The following WDR1 variants were observed in gnomAD, a reference collection of about 807,000 sequenced individuals.
The protein encoded by WDR1 is WD repeat-containing protein 1.
Under a neutral mutation model 71.9 loss-of-function variants are expected in WDR1, and 21 were observed. That is an observed-to-expected ratio of 0.29 (90% confidence interval 0.21 to 0.42). The LOEUF (loss-of-function observed/expected upper bound fraction) is 0.42. WDR1 is among the 10% of genes least tolerant of loss of function. WDR1 has a pLI of 1.00. For synonymous variants in WDR1, 424 were observed against 347.4 expected, an observed-to-expected ratio of 1.22 and a Z score of -2.45; for missense variants, 696 against 824.5, an observed-to-expected ratio of 0.84 and a Z score of 1.91.
intron 5 of WDR1, 25 bp from the exon 6 acceptor site, chr4:10,088,766 G>C (rs374442952): frequency 2.6e-6 from 4 of 1,558,358 alleles, no homozygotes; most frequent in East Asian, 2.3e-5. Flanking sequence ...TTACCTGCCT[G>C]ATGAGGGGCC....
At chr4:10,094,367 A>G (rs1160708081) in intron 5 of WDR1, among the ~76,000 whole-genome samples, 2 of 152,218 alleles carry the variant, frequency 1.3e-5, no homozygotes, top group African/African-American at 2.4e-5. Flanking sequence ...CCAGAGAGGC[A>G]AAGAACCTGG....
Position 10,077,276 on chromosome 4 carries a change from C to A in WDR1, c.1714+28G>T, listed in dbSNP as rs753919743. On this transcript the variant is annotated intron_variant, in intron 14 of 14. Transcript: ENST00000499869. ...ATGGAGCCCCGAACCATGGGTGGTC[C>A]CTGCCAAGGCCTGGGGGCGGAAGTC... 23 of 1,612,966 alleles carry A rather than the reference C, an allele frequency of 1.4e-5. No individual in the cohort carries two copies. In the East Asian group the frequency reaches 5.1e-4, roughly 36 times the overall value.
chr4:10,102,970 C>A lies in WDR1; in HGVS notation c.229+926G>T, dbSNP rs138681352. Reference sequence around the variant, plus strand: ...ATGAGTGAGTGAATGAATGAGTGGGCCACCATTCTAGAAGGGGTACCACTC... The same window carrying A: ...ATGAGTGAGTGAATGAATGAGTGGGACACCATTCTAGAAGGGGTACCACTC... On this transcript the variant is annotated intron_variant, in intron 3 of 14. Coordinates refer to ENST00000499869, the MANE Select transcript of WDR1 (RefSeq NM_017491.5). Among the ~76,000 whole-genome samples, 557 of 152,262 alleles carry A rather than the reference C, an allele frequency of 3.7e-3. 3 individuals carry two copies. The highest frequency in any genetic ancestry group is 0.013 in the African/African-American group (528 of 41,534).
rs545589611 is a variant in WDR1, at chr4:10,074,762, G to C, written c.*616C>G. 6.6e-6 allele frequency: 1 copy of C among 152,370 alleles called. No individual in the cohort carries two copies. The highest frequency in any genetic ancestry group is 1.9e-4 in the East Asian group (1 of 5,170). The allele number at this position is 152,370 out of a possible 1,614,324, so 9.4% of individuals were successfully genotyped here. A position where few individuals can be genotyped will look rare whatever the true frequency, so the allele number is the denominator to read the frequency against. On this transcript the variant is annotated 3_prime_UTR_variant, in exon 15 of 15. Coordinates refer to ENST00000499869, the MANE Select transcript of WDR1 (RefSeq NM_017491.5). ...TAAGATACATTAAAAAAAAAGGAAA[G>C]ATACCCACAATTCCATTCTTAAAAT... is the stretch of plus-strand genomic sequence containing the variant.
intron 2 of WDR1, chr4:10,108,379 T>C (rs1713148306): frequency 6.6e-6 from 1 of 152,208 alleles, no homozygotes; most frequent in Non-Finnish European, 1.5e-5. Flanking sequence ...TGGAACATGC[T>C]AGAAGGTTGG....
chr4:10,115,209 C>T (rs1713636144), intron 2 of WDR1, among the ~76,000 whole-genome samples: 1 of 152,238 alleles, frequency 6.6e-6, no homozygotes, highest in Non-Finnish European at 1.5e-5. Flanking sequence ...TCCCACCCCA[C>T]CAATTCCATC....
At chr4:10,102,995 C>G (rs1431954587) in intron 3 of WDR1, among the ~76,000 whole-genome samples, 2 of 152,146 alleles carry the variant, frequency 1.3e-5, no homozygotes, top group African/African-American at 4.8e-5. Context: ...GGGTACCACT[C>G]TCACTCCTGT....
Position 10,075,472 on chromosome 4 carries a change from A to G in WDR1, c.1727T>C (p.Leu576Pro). ...CCAGGCCAGGCTGCTGACATGGTGC[A>G]GCCGGTGTGCATCTGGGAAGAAAGG... ...TRVKIQDAHRLHHVSSLAWLD... is the reference protein window; with the variant it reads ...TRVKIQDAHRPHHVSSLAWLD... Residue 576 changes from leucine to proline, a missense_variant, in exon 15 of 15, where the codon CTG becomes CCG. Coordinates refer to ENST00000499869, the MANE Select transcript of WDR1 (RefSeq NM_017491.5). 6.2e-7 allele frequency: 1 copy of G among 1,613,992 alleles called. No homozygotes were observed. Among genetic ancestry groups the G allele is most frequent in the South Asian group, 1.1e-5 (1 of 91,078 alleles).
At chr4:10,099,165 G>C (rs762719426) in intron 3 of WDR1, 26 bp from the exon 4 acceptor site, 6 of 1,309,110 alleles carry the variant, frequency 4.6e-6, no homozygotes, top group South Asian at 2.5e-5. Context: ...GGCGGGGGAG[G>C]GGGGGAGGCG....
chr4:10,083,178 T>C lies in WDR1; in HGVS notation c.1040A>G (p.Asn347Ser). The C allele has an allele frequency of 6.2e-7, 1 of 1,613,156 alleles. No homozygotes were observed. The highest frequency in any genetic ancestry group is 8.5e-7 in the Non-Finnish European group (1 of 1,179,550). Residue 347 changes from asparagine to serine, a missense_variant and splice_region_variant, in exon 10 of 15, where the codon AAT (asparagine) becomes AGT (serine). Coordinates refer to ENST00000499869, the MANE Select transcript of WDR1 (RefSeq NM_017491.5). ...IYSGSHDGHI[N>S]YWDSETGEND... ...CTCCCCCGTCTCTGAATCCCAGTAA[T>C]GTAGGGTGGGGTTAAGGAAAAGCCC...
chr4:10,084,339 G>C, intron 9 of WDR1, 104 bp downstream of exon 9: 1 of 1,026,408 alleles, frequency 9.7e-7, no homozygotes, highest in Non-Finnish European at 1.5e-6. Flanking sequence ...GGCTGTGGCT[G>C]CAGCTGGAGC....
At chr4:10,084,173 G>T (rs1765120357) in intron 9 of WDR1, among the ~76,000 whole-genome samples, 3 of 152,228 alleles carry the variant, frequency 2.0e-5, no homozygotes. Flanking sequence ...CACTCTCAGG[G>T]TTGCACGACA....
chr4:10,111,816 G>C (rs1242678841), intron 2 of WDR1, among the ~76,000 whole-genome samples: 6 of 144,358 alleles, frequency 4.2e-5, no homozygotes, highest in African/African-American at 1.6e-4. Context: ...CACTTGGTCT[G>C]CCCCCTGTTC....
Position 10,081,384 on chromosome 4 carries a change from T to C in WDR1, c.1257A>G (p.Gly419=), listed in dbSNP as rs755469534. Residue 419 remains glycine, a synonymous_variant, in exon 11 of 15, where the codon GGA becomes GGG. Transcript: ENST00000499869. ...GTCCAATGCACACGACCACGGCGTA[T>C]CCCCCGGGGCCGACGGCTACGCACT... is the stretch of plus-strand genomic sequence containing the variant. ...QPKCVAVGPG[G]YAVVVCIGQI... is the part of the protein sequence containing the mutation. 18 of 1,613,572 alleles carry C rather than the reference T, an allele frequency of 1.1e-5. No individual in the cohort carries two copies. Among genetic ancestry groups the C allele is most frequent in the Non-Finnish European group, 1.4e-5 (17 of 1,179,834 alleles).
chr4:10,078,646 G>C (rs1282587076), intron 12 of WDR1: 20 of 458,250 alleles, frequency 4.4e-5, no homozygotes, highest in Non-Finnish European at 7.8e-5. Flanking sequence ...ACTGTCCACA[G>C]TCTTGTGGGC....
Position 10,078,992 on chromosome 4 carries a change from G to A in WDR1, c.1294C>T (p.Leu432=). The change falls in exon 12 of 15, where the codon CTG becomes TTG. Residue 432 remains leucine, a synonymous_variant. Transcript: ENST00000499869. ...CTGAAGCACTTCCTCTGATCCTTCA[G>A]CAGGACAATCTGTGGCACACACAGG... ...VVVCIGQIVL[L]KDQRKCFSID... is the part of the protein sequence containing the mutation. The A allele has an allele frequency of 6.2e-7, 1 of 1,605,882 alleles. No individual in the cohort carries two copies. The highest frequency in any genetic ancestry group is 8.5e-7 in the Non-Finnish European group (1 of 1,175,284).
rs1440189341 is a variant in WDR1 at position 10,116,697 on chromosome 4, C to T, written c.-31G>A. On this transcript the variant is annotated 5_prime_UTR_variant, in exon 1 of 15. Coordinates refer to ENST00000499869, the MANE Select transcript of WDR1 (RefSeq NM_017491.5). ...CCCACTTGTTACCGCGCCGCGCTCGCCGAGAGCCTCCGGGGCCGGCCCGCG... is the reference window on the plus strand; with the variant it reads ...CCCACTTGTTACCGCGCCGCGCTCGTCGAGAGCCTCCGGGGCCGGCCCGCG... The T allele has an allele frequency of 5.9e-6, 8 of 1,349,808 alleles. No homozygotes were observed. The Admixed American group carries it at 1.1e-4, about 19-fold the overall frequency. 83.6% of individuals were successfully genotyped at this position (1,349,808 alleles called of 1,614,324 possible).
chr4:10,090,250 T>C (rs1394617587), intron 5 of WDR1, among the ~76,000 whole-genome samples: 7 of 152,284 alleles, frequency 4.6e-5, no homozygotes, highest in South Asian at 4.1e-4. Flanking sequence ...CTAACACATG[T>C]CATCAATGCT....
Position 10,082,649 on chromosome 4 carries a change from G to A in WDR1, c.1196+373C>T, listed in dbSNP as rs943373664. On this transcript the variant is annotated intron_variant, in intron 10 of 14. Transcript: ENST00000499869. ...CTGTCTTGTACTCAGCACCTGCCCT[G>A]TGCCAGGCTCACCTAATCCACAACA... Among the ~76,000 whole-genome samples, 5 of 152,216 alleles carry A rather than the reference G, an allele frequency of 3.3e-5. No individual in the cohort carries two copies. The East Asian group carries it at 5.8e-4, about 18-fold the overall frequency.
Sources: gnomAD v4.1 joint callset for allele counts (sites outside exome capture counted in the v4.1 genomes callset) on GRCh38, gnomAD v4.1.1 for gene constraint, MANE v1.5 for transcripts, NCBI Gene and HGNC (gene_info 2026-07-23, HGNC 2026-07-21) for gene names.